The following MTMR2 variants were observed in gnomAD, a reference collection of about 807,000 sequenced individuals.
The protein encoded by MTMR2 is phosphatidylinositol-3,5-bisphosphate 3-phosphatase MTMR2.
Under a neutral mutation model 86.9 loss-of-function variants are expected in MTMR2, and 55 were observed. That is an observed-to-expected ratio of 0.63 (90% CI 0.51 to 0.79). The LOEUF is 0.79. Among genes scored for constraint, MTMR2 ranks in the 30% least tolerant of loss-of-function variants. The pLI is 0.00. For synonymous variants in MTMR2, 241 were observed against 266.8 expected, an observed-to-expected ratio of 0.90 and a Z score of 0.94; for missense variants, 659 against 772.3, an observed-to-expected ratio of 0.85 and a Z score of 1.74.
intron 10 of MTMR2, 121 bp from the exon 11 acceptor site, chr11:95,845,280 C>T (rs995487784): frequency 1.1e-6 from 1 of 921,912 alleles, no homozygotes; most frequent in Non-Finnish European, 1.7e-6. Flanking sequence ...AACATTTGTC[C>T]CTTCCTAAGA....
chr11:95,850,576 G>A, intron 8 of MTMR2, 24 bp downstream of exon 8: 3 of 1,591,268 alleles, frequency 1.9e-6, no homozygotes, highest in East Asian at 2.2e-5. Context: ...CACTTGCAAA[G>A]GCTCATCCAA....
At chr11:95,904,123 G>C (rs1209335439) in intron 1 of MTMR2, among the ~76,000 whole-genome samples, 2 of 152,002 alleles carry the variant, frequency 1.3e-5, no homozygotes, top group Non-Finnish European at 2.9e-5. Context: ...GACAGAGCAA[G>C]AGTCCATCTT....
rs1459375407 is a variant in MTMR2, at chr11:95,834,228, C to G, written c.*1062G>C. 1 of 152,518 alleles carries G rather than the reference C, an allele frequency of 6.6e-6. No homozygotes were observed. Among genetic ancestry groups the G allele is most frequent in the Admixed American group, 6.6e-5 (1 of 15,246 alleles). 9.4% of individuals were successfully genotyped at this position (152,518 alleles called of 1,614,324 possible). On this transcript the variant is annotated 3_prime_UTR_variant, in exon 15 of 15. Transcript: ENST00000346299. ...CAAATGTTTCTACCAGCACCAAACT[C>G]TTACTTGTAGCAGGTGAACAGTGAA...
At chr11:95,844,783 G>A (rs1271375419) in intron 11 of MTMR2, among the ~76,000 whole-genome samples, 170 bp downstream of exon 11, 1 of 152,118 alleles carries the variant, frequency 6.6e-6, no homozygotes, top group Non-Finnish European at 1.5e-5. Flanking sequence ...TCTGACTCCA[G>A]ACTAGTCATG....
At chr11:95,896,715 T>A (rs1405130241) in intron 1 of MTMR2, among the ~76,000 whole-genome samples, 2 of 151,948 alleles carry the variant, frequency 1.3e-5, no homozygotes, top group East Asian at 3.9e-4. Flanking sequence ...AAAAGAAATC[T>A]GTGAAAGGAG....
chr11:95,873,682 G>T (rs1310699353), intron 2 of MTMR2, among the ~76,000 whole-genome samples: 1 of 151,750 alleles, frequency 6.6e-6, no homozygotes, highest in African/African-American at 2.4e-5. Flanking sequence ...TTTTAATTGT[G>T]ATGTTAGGGT....
chr11:95,882,919 T>G (rs1467932526), intron 2 of MTMR2, among the ~76,000 whole-genome samples: 2 of 107,284 alleles, frequency 1.9e-5, no homozygotes, highest in African/African-American at 6.6e-5. Flanking sequence ...TTTTTTTTTT[T>G]TGTATTTTTA....
intron 2 of MTMR2, 77 bp downstream of exon 2, chr11:95,888,079 A>G: frequency 9.4e-7 from 1 of 1,069,106 alleles, no homozygotes; most frequent in Non-Finnish European, 1.4e-6. Context: ...CTCCTGCTAA[A>G]TTAGTTATAT....
chr11:95,849,800 A>G lies in MTMR2; in HGVS notation c.867T>C (p.Val289=). The change falls in exon 9 of 15, where the codon GTT becomes GTC. Residue 289 remains valine, a synonymous_variant. Coordinates refer to ENST00000346299, the MANE Select transcript of MTMR2 (RefSeq NM_016156.6). The part of the protein sequence containing the change: ...ATITRCSQPM[V]GVSGKRSKED... ...CTTTGCTTCGCTTTCCACTCACTCC[A>G]ACCATGGGCTGGCTACACCGAGTGA... 6.2e-7 allele frequency: 1 copy of G among 1,614,190 alleles called. No individual in the cohort carries two copies. The highest frequency in any genetic ancestry group is 8.5e-7 in the Non-Finnish European group (1 of 1,180,014).
chr11:95,837,956 A>C, intron 13 of MTMR2, 138 bp downstream of exon 13: 1 of 672,618 alleles, frequency 1.5e-6, no homozygotes, highest in Non-Finnish European at 2.8e-6. Context: ...TATGGAAGGA[A>C]GCCCTCAATA....
intron 12 of MTMR2, among the ~76,000 whole-genome samples, chr11:95,838,809 C>T (rs1863410812): frequency 6.6e-6 from 1 of 152,088 alleles, no homozygotes; most frequent in Admixed American, 6.6e-5. Context: ...AGAAAATTCA[C>T]TCTCTAACCC....
At chr11:95,921,787 T>C (rs1866937448) in intron 1 of MTMR2, among the ~76,000 whole-genome samples, 1 of 152,222 alleles carries the variant, frequency 6.6e-6, no homozygotes, top group Non-Finnish European at 1.5e-5. Context: ...CTTATATTTT[T>C]GTCCAGAGAG....
rs554869570 is a variant in MTMR2 at position 95,861,066 on chromosome 11, A to G, written c.468+926T>C. Among the ~76,000 whole-genome samples, 89 of 151,574 alleles carry G rather than the reference A, an allele frequency of 5.9e-4. 3 individuals are homozygous for G. The East Asian group carries it at 0.017, about 30-fold the overall frequency. On this transcript the variant is annotated intron_variant, in intron 5 of 14. Transcript: ENST00000346299. Reference sequence around the variant, plus strand: ...TCCCAGCTACTCGAGAGGCTGAGGCAGGAGAATCCCGTGAACCCAGGAGAC... The same window carrying G: ...TCCCAGCTACTCGAGAGGCTGAGGCGGGAGAATCCCGTGAACCCAGGAGAC...
chr11:95,840,506 C>G (rs1275712878), intron 12 of MTMR2, among the ~76,000 whole-genome samples: 1 of 152,104 alleles, frequency 6.6e-6, no homozygotes, highest in Non-Finnish European at 1.5e-5. Context: ...TTCCTCTTAC[C>G]TCCCAACACA....
chr11:95,920,764 T>A (rs7117170), intron 1 of MTMR2, among the ~76,000 whole-genome samples: 16,995 of 152,192 alleles, frequency 0.11, 3,166 homozygotes, highest in African/African-American at 0.39. Context: ...TTTTTACTTA[T>A]TTTAAAAAGT....
At chr11:95,883,544 C>T (rs1447339217) in intron 2 of MTMR2, among the ~76,000 whole-genome samples, 1 of 152,154 alleles carries the variant, frequency 6.6e-6, no homozygotes, top group African/African-American at 2.4e-5. Context: ...ACCAGAAAAG[C>T]ACAATTCCAT....
intron 2 of MTMR2, among the ~76,000 whole-genome samples, chr11:95,872,839 G>T (rs1267980169): frequency 1.3e-5 from 2 of 152,082 alleles, no homozygotes; most frequent in Admixed American, 1.3e-4. Context: ...GTTGAATTTT[G>T]TCAAAGGCCT....
At chr11:95,899,268 A>G (rs367962056) in intron 1 of MTMR2, among the ~76,000 whole-genome samples, 4 of 152,130 alleles carry the variant, frequency 2.6e-5, no homozygotes, top group African/African-American at 9.7e-5. Context: ...ACCTGAAAAC[A>G]AGGGAGAAGG....
At chr11:95,857,724 T>G (rs1864263879) in intron 6 of MTMR2, 89 bp from the exon 7 acceptor site, 1 of 804,284 alleles carries the variant, frequency 1.2e-6, no homozygotes, top group African/African-American at 1.7e-5. Flanking sequence ...AAAGTTTTCA[T>G]TTATTTATCT....
Sources: allele counts gnomAD v4.1 joint callset (sites outside exome capture counted in the v4.1 genomes callset), GRCh38; gene constraint gnomAD v4.1.1; transcripts MANE v1.5; gene names NCBI Gene and HGNC (gene_info 2026-07-23, HGNC 2026-07-21).